The following NCEH1 variants were observed in gnomAD, a reference collection of about 807,000 sequenced individuals.
The protein encoded by NCEH1 is 2-acetyl MAGE hydrolase.
In NCEH1, 9 loss-of-function variants were observed where a neutral mutation model predicts 25.4. That is an observed-to-expected ratio of 0.35 (90% CI 0.21 to 0.62). The LOEUF (loss-of-function observed/expected upper bound fraction) is 0.62, where lower values mean the gene tolerates loss of function less well. Among genes scored for constraint, NCEH1 ranks in the 20% least tolerant of loss-of-function variants. NCEH1 has a pLI of 0.72. For synonymous variants in NCEH1, 200 were observed against 199.8 expected (o/e 1.00, Z -0.01); for missense variants, 412 against 501.1 (o/e 0.82, Z 1.70).
intron 1 of NCEH1, among the ~76,000 whole-genome samples, chr3:172,662,555 T>C (rs6791004): frequency 0.34 from 51,075 of 152,020 alleles, 8,775 homozygotes; most frequent in South Asian, 0.38. Context: ...AGCTCCTCTT[T>C]GTACCTCTGG....
chr3:172,679,345 T>C (rs1311556990), intron 1 of NCEH1, among the ~76,000 whole-genome samples: 1 of 152,244 alleles, frequency 6.6e-6, no homozygotes, highest in Non-Finnish European at 1.5e-5. Flanking sequence ...GCACAGGTCT[T>C]TGAATAAATT....
chr3:172,647,880 A>C lies in NCEH1; in HGVS notation c.367+6T>G. ...AACAAACCATCTGAAGGTGACCAGGACGCACTTGCACTTGCCAAGGCCCAG... is the reference window on the plus strand; with the variant it reads ...AACAAACCATCTGAAGGTGACCAGGCCGCACTTGCACTTGCCAAGGCCCAG... On this transcript the variant is annotated splice_donor_region_variant and intron_variant, in intron 2 of 4. Transcript: ENST00000475381. 6.2e-7 allele frequency: 1 copy of C among 1,614,134 alleles called. No individual in the cohort carries two copies. The highest frequency in any genetic ancestry group is 8.5e-7 in the Non-Finnish European group (1 of 1,180,012).
Position 172,647,967 on chromosome 3 carries a change from C to T in NCEH1, c.286G>A (p.Glu96Lys), listed in dbSNP as rs760697028. Residue 96 changes from glutamate (E) to lysine (K), a missense_variant, in exon 2 of 5, where the codon GAA becomes AAA. Glu to Lys is a moderately conservative substitution (Grantham distance 56). Around this residue, in one of 3 missense-constraint regions of NCEH1, gnomAD observed 178 missense variants for 189.2 expected, o/e 0.94. Coordinates refer to ENST00000475381, the MANE Select transcript of NCEH1 (RefSeq NM_020792.6). Reference sequence around the variant, plus strand: ...GGCTCTTCGGGCTTCGGAGGGCCTTCAAACACTCTGACTTCCACACCATCA... The same window carrying T: ...GGCTCTTCGGGCTTCGGAGGGCCTTTAAACACTCTGACTTCCACACCATCA... ...DFDGVEVRVF[E>K]GPPKPEEPLK... 4 of 1,614,080 alleles carry T rather than the reference C, an allele frequency of 2.5e-6. No individual in the cohort carries two copies. Among genetic ancestry groups the T allele is most frequent in the Non-Finnish European group, 1.7e-6 (2 of 1,180,052 alleles).
At chr3:172,663,168 T>A (rs1179179664) in intron 1 of NCEH1, among the ~76,000 whole-genome samples, 1 of 152,236 alleles carries the variant, frequency 6.6e-6, no homozygotes, top group Non-Finnish European at 1.5e-5. Context: ...ATGTCTTTGT[T>A]CTCGTTGGTT....
intron 1 of NCEH1, among the ~76,000 whole-genome samples, chr3:172,669,951 A>G (rs1183275623): frequency 6.6e-6 from 1 of 152,234 alleles, no homozygotes; most frequent in Non-Finnish European, 1.5e-5. Flanking sequence ...AGCATTACCA[A>G]TGAACAGGAA....
chr3:172,652,462 G>A (rs1029215038), intron 1 of NCEH1, among the ~76,000 whole-genome samples: 11 of 152,194 alleles, frequency 7.2e-5, no homozygotes, highest in Non-Finnish European at 1.3e-4. Context: ...TGTGGGCTGA[G>A]GATGAGTGAT....
In NCEH1 at chr3:172,689,909, A is replaced by AT. The variant is rs549736200; in HGVS notation, c.138+20937dup. On this transcript the variant is annotated intron_variant, in intron 1 of 4. Transcript: ENST00000475381. ...TTATTTTTTATTATTTTATTTATTT[A>AT]TTTTTTTTTTTTGAGACGGAGTCTC... Among the ~76,000 whole-genome samples the AT allele has an allele frequency of 1.0e-2, 1,405 of 140,828 alleles. 21 individuals are homozygous for AT. Among genetic ancestry groups the AT allele is most frequent in the African/African-American group, 0.011 (433 of 38,096 alleles). The allele number at this position is 140,828 out of a possible 152,430, so 92.4% of individuals were successfully genotyped here. A position where few individuals can be genotyped will look rare whatever the true frequency, so the allele number is the denominator to read the frequency against.
chr3:172,675,331 A>AATTAATTAATTAATT lies in NCEH1; in HGVS notation c.139-27218_139-27217insAATTAATTAATTAAT, dbSNP rs1553835617. On this transcript the variant is annotated intron_variant, in intron 1 of 4. Transcript: ENST00000475381. ...TAAATAAATAAATAAATAAATAAAT[A>AATTAATTAATTAATT]AATAAATAAATGATTTTGTGAGTTG... 3.6e-3 allele frequency among the ~76,000 whole-genome samples: 536 copies of AATTAATTAATTAATT among 150,468 alleles called. 6 individuals are homozygous for AATTAATTAATTAATT. The highest frequency in any genetic ancestry group is 0.025 in the East Asian group (126 of 5,136).
chr3:172,647,187 C>T (rs1031136234), intron 2 of NCEH1, among the ~76,000 whole-genome samples: 2 of 152,022 alleles, frequency 1.3e-5, no homozygotes, highest in South Asian at 4.1e-4. Context: ...ATGCCAAAAG[C>T]TCTGGACTGA....
chr3:172,641,843 G>A (rs1001960504), intron 3 of NCEH1, among the ~76,000 whole-genome samples: 1 of 152,092 alleles, frequency 6.6e-6, no homozygotes, highest in Non-Finnish European at 1.5e-5. Flanking sequence ...TCATTCTTAG[G>A]GGTTTCATCC....
Position 172,697,571 on chromosome 3 carries a change from CA to C in NCEH1, c.138+13275del, listed in dbSNP as rs571140071. ...TTTTTTAAACTGTATTAGCATCCTC[CA>C]GGACTAAAATTTGTAAATACATAAT... is the stretch of plus-strand genomic sequence containing the variant. On this transcript the variant is annotated intron_variant, in intron 1 of 4. Transcript: ENST00000475381. Among the ~76,000 whole-genome samples, 375 of 152,092 alleles carry C rather than the reference CA, an allele frequency of 2.5e-3. 3 individuals are homozygous for C. Among genetic ancestry groups the C allele is most frequent in the Non-Finnish European group, 3.7e-3 (255 of 68,018 alleles).
chr3:172,638,108 T>C (rs909357539), intron 3 of NCEH1, among the ~76,000 whole-genome samples: 2 of 151,926 alleles, frequency 1.3e-5, no homozygotes, highest in African/African-American at 4.8e-5. Context: ...AATGGACAAA[T>C]GTTTGTGAAA....
Position 172,645,620 on chromosome 3 carries a change from T to C in NCEH1, c.437+3A>G. ...TTTTCTATGACTAGCATTAATTACTTACTCAATGGAAACAATGACAGCATT... is the reference window on the plus strand; with the variant it reads ...TTTTCTATGACTAGCATTAATTACTCACTCAATGGAAACAATGACAGCATT... On this transcript the variant is annotated splice_donor_region_variant and intron_variant, in intron 3 of 4. Coordinates refer to ENST00000475381, the MANE Select transcript of NCEH1 (RefSeq NM_020792.6). 6.3e-7 allele frequency: 1 copy of C among 1,579,680 alleles called. No homozygotes were observed.
intron 1 of NCEH1, among the ~76,000 whole-genome samples, chr3:172,692,196 C>T (rs1713100693): frequency 6.6e-6 from 1 of 152,076 alleles, no homozygotes; most frequent in Non-Finnish European, 1.5e-5. Context: ...ATTAGGGATA[C>T]AGCAAGAAAG....
chr3:172,663,662 A>G (rs890694466), intron 1 of NCEH1, among the ~76,000 whole-genome samples: 18 of 152,164 alleles, frequency 1.2e-4, no homozygotes, highest in Admixed American at 2.0e-4. Flanking sequence ...GGGTGCATAT[A>G]TATTTAGGAT....
chr3:172,691,539 G>T (rs1225862762), intron 1 of NCEH1, among the ~76,000 whole-genome samples: 1 of 152,306 alleles, frequency 6.6e-6, no homozygotes, highest in Non-Finnish European at 1.5e-5. Context: ...CAGTGGGGAA[G>T]TCCACAGACA....
chr3:172,643,548 G>T (rs1390721964), intron 3 of NCEH1, among the ~76,000 whole-genome samples: 1 of 152,204 alleles, frequency 6.6e-6, no homozygotes, highest in Admixed American at 6.5e-5. Flanking sequence ...AATCAAAGCA[G>T]TCCCTTCTAA....
intron 3 of NCEH1, among the ~76,000 whole-genome samples, chr3:172,644,891 T>C (rs1577055903): frequency 6.6e-6 from 1 of 152,082 alleles, no homozygotes; most frequent in East Asian, 1.9e-4. Flanking sequence ...TGATGATAGC[T>C]TTGGAGAGAA....
intron 2 of NCEH1, 121 bp downstream of exon 2, chr3:172,647,765 C>T: frequency 7.3e-7 from 1 of 1,362,018 alleles, no homozygotes; most frequent in Non-Finnish European, 1.0e-6. Context: ...GTAACTGGGA[C>T]CATCCAGGGG....
Sources: gnomAD v4.1 joint callset for allele counts (sites outside exome capture counted in the v4.1 genomes callset) on GRCh38, gnomAD v4.1.1 for gene constraint, gnomAD v4.1.1 regional missense constraint, MANE v1.5 for transcripts, NCBI Gene and HGNC (gene_info 2026-07-23, HGNC 2026-07-21) for gene names.